Variants in CERS3 observed in about 807,000 individuals in gnomAD.
CERS3 encodes ceramide synthase 3.
In CERS3, 33 loss-of-function variants were observed where a neutral mutation model predicts 50.3. The observed-to-expected ratio is 0.66, with a 90% confidence interval of 0.50 to 0.88. The LOEUF is 0.88. Ranked by LOEUF, CERS3 falls within the 40% of genes least tolerant of loss-of-function variation. CERS3 has a pLI of 0.00. For missense variants in CERS3, 470 were observed against 460.3 expected (o/e 1.02, Z -0.19); for synonymous variants, 176 against 155.2 (o/e 1.13, Z -0.99).
intron 2 of CERS3, chr15:100,503,697 C>A (rs2036079150): frequency 2.1e-6 from 1 of 470,824 alleles, no homozygotes; most frequent in Admixed American, 2.3e-5. Flanking sequence ...CTTTGCTTCA[C>A]CCGGGCACAT....
Position 100,472,961 on chromosome 15 carries a change from A to G in CERS3, c.701T>C (p.Val234Ala). The G allele has an allele frequency of 1.2e-6, 2 of 1,614,018 alleles. No individual in the cohort carries two copies. Among genetic ancestry groups the G allele is most frequent in the Non-Finnish European group, 8.5e-7 (1 of 1,179,930 alleles). The change falls in exon 9 of 12, where the codon GTG (valine) becomes GCG (alanine). Residue 234 changes from valine to alanine, a missense_variant. Physicochemically the swap from Val to Ala is moderately conservative, Grantham distance 64. Coordinates refer to ENST00000679737, the MANE Select transcript of CERS3 (RefSeq NM_001378789.1). ...GTCAGCCACATCGTGTACAATCATCACGAGGGTCCCACTGCGAATATAATT... is the reference window on the plus strand; with the variant it reads ...GTCAGCCACATCGTGTACAATCATCGCGAGGGTCCCACTGCGAATATAATT... Reference protein sequence around the residue: ...CANYIRSGTLVMIVHDVADIW... With the variant: ...CANYIRSGTLAMIVHDVADIW...
intron 2 of CERS3, among the ~76,000 whole-genome samples, chr15:100,520,177 A>C (rs2036601551): frequency 6.6e-6 from 1 of 152,198 alleles, no homozygotes; most frequent in African/African-American, 2.4e-5. Flanking sequence ...GGCCCAAAGA[A>C]GACTTGGGGA....
intron 2 of CERS3, among the ~76,000 whole-genome samples, chr15:100,502,251 G>GAAAAAAAAA (rs58654483): frequency 7.0e-5 from 8 of 113,698 alleles, no homozygotes; most frequent in Admixed American, 1.1e-4. Context: ...CTCAAAAAAA[G>GAAAAAAAAA]AAAAAAAAAA....
intron 3 of CERS3, among the ~76,000 whole-genome samples, chr15:100,492,259 A>T (rs2035675912): frequency 6.6e-6 from 1 of 152,136 alleles, no homozygotes; most frequent in South Asian, 2.1e-4. Flanking sequence ...CCCTGTTGAT[A>T]ATCTTCTGCC....
intron 2 of CERS3, among the ~76,000 whole-genome samples, chr15:100,521,073 A>T (rs1271780169): frequency 6.6e-6 from 1 of 152,230 alleles, no homozygotes; most frequent in Non-Finnish European, 1.5e-5. Context: ...GTTTAGAGAG[A>T]TAAAGTGACT....
chr15:100,477,380 A>C (rs1318968838), intron 7 of CERS3, among the ~76,000 whole-genome samples: 1 of 152,096 alleles, frequency 6.6e-6, no homozygotes, highest in Non-Finnish European at 1.5e-5. Flanking sequence ...GCCATAAAAG[A>C]GTGAGACAGA....
intron 1 of CERS3, among the ~76,000 whole-genome samples, chr15:100,534,951 T>G (rs1481370478): frequency 6.6e-6 from 1 of 152,108 alleles, no homozygotes; most frequent in Non-Finnish European, 1.5e-5. Context: ...CACTTCAAAT[T>G]GTCCCACCTA....
At chr15:100,505,396 T>C (rs1408939496) in intron 2 of CERS3, among the ~76,000 whole-genome samples, 1 of 152,224 alleles carries the variant, frequency 6.6e-6, no homozygotes, top group African/African-American at 2.4e-5. Context: ...TTGAAAGCCA[T>C]AGAAACTTTA....
intron 10 of CERS3, among the ~76,000 whole-genome samples, chr15:100,456,863 C>T (rs1215904150): frequency 6.7e-6 from 1 of 150,116 alleles, no homozygotes; most frequent in African/African-American, 2.5e-5. Context: ...AAAAGAATTG[C>T]TTGAACCTGG....
chr15:100,403,879 CATTTT>C (rs58890577), intron 11 of CERS3, among the ~76,000 whole-genome samples: 37,386 of 151,888 alleles, frequency 0.25, 4,986 homozygotes, highest in East Asian at 0.42. Flanking sequence ...GAACAGGTCT[CATTTT>C]ATTTTATGAG....
At chr15:100,544,673 G>A (rs1313059433) in exon 1 of CERS3, 1 of 152,380 alleles carries the variant, frequency 6.6e-6, no homozygotes, top group African/African-American at 2.4e-5. Flanking sequence ...CCTGGGCCGA[G>A]GCGGGTCCGC....
chr15:100,506,818 G>C (rs1338387289), intron 2 of CERS3, among the ~76,000 whole-genome samples: 1 of 152,120 alleles, frequency 6.6e-6, no homozygotes, highest in African/African-American at 2.4e-5. Context: ...ATGGGTACAG[G>C]GTTTCTTTTT....
chr15:100,442,913 CT>C (rs1168105668), intron 11 of CERS3, among the ~76,000 whole-genome samples: 490 of 151,634 alleles, frequency 3.2e-3, no homozygotes, highest in African/African-American at 0.011. Context: ...GCCTGTTTCC[CT>C]TGCCTCCATA....
intron 2 of CERS3, among the ~76,000 whole-genome samples, chr15:100,506,845 T>C (rs1025661176): frequency 2.0e-5 from 3 of 152,200 alleles, no homozygotes; most frequent in Admixed American, 1.3e-4. Context: ...GTGAAAATGT[T>C]TAACATTTGA....
intron 11 of CERS3, among the ~76,000 whole-genome samples, chr15:100,407,894 G>T (rs947039011): frequency 6.6e-6 from 1 of 151,884 alleles, no homozygotes; most frequent in Non-Finnish European, 1.5e-5. Context: ...ATTTTGAGAC[G>T]GAGTTTTGTT....
intron 2 of CERS3, among the ~76,000 whole-genome samples, chr15:100,505,617 G>A (rs2074508191): frequency 6.6e-6 from 1 of 152,172 alleles, no homozygotes; most frequent in African/African-American, 2.4e-5. Context: ...ACAAAGCACA[G>A]ATCTAAATAT....
At position 100,467,968 on chromosome 15, in the gene CERS3, C is replaced by T. The variant is rs563375856; in HGVS notation, c.845+1410G>A. 1.9e-4 allele frequency among the ~76,000 whole-genome samples: 29 copies of T among 151,548 alleles called. No individual in the cohort carries two copies. The South Asian group carries it at 3.1e-3, about 16-fold the overall frequency. ...AACTCCTGGGCTTAAGTGACCCCCC[C>T]GCCAACCTCAGGCTCCTGAGTAGCT... On this transcript the variant is annotated intron_variant, in intron 10 of 11. Coordinates refer to ENST00000679737, the MANE Select transcript of CERS3 (RefSeq NM_001378789.1).
chr15:100,442,624 G>T (rs113814386), intron 11 of CERS3, among the ~76,000 whole-genome samples: 1 of 152,268 alleles, frequency 6.6e-6, no homozygotes, highest in African/African-American at 2.4e-5. Flanking sequence ...CTCCTAAGCC[G>T]TGTCCTGTCT....
chr15:100,461,877 C>T (rs1031678515), intron 10 of CERS3, among the ~76,000 whole-genome samples: 18 of 152,094 alleles, frequency 1.2e-4, no homozygotes, highest in Admixed American at 9.8e-4. Context: ...CATTGTGGCA[C>T]GGGTAACAAC....
Sources: gnomAD v4.1 joint callset for allele counts (sites outside exome capture counted in the v4.1 genomes callset) on GRCh38, gnomAD v4.1.1 for gene constraint, MANE v1.5 for transcripts, NCBI Gene and HGNC (gene_info 2026-07-23, HGNC 2026-07-21) for gene names.